SOX5: variants seen among roughly 807,000 people sequenced by gnomAD.
SOX5 encodes the protein transcription factor SOX-5.
In SOX5, 9 loss-of-function variants were observed where a neutral mutation model predicts 92.0. That is an observed-to-expected ratio of 0.10 (90% CI 0.06 to 0.17). SOX5 has a LOEUF of 0.17. SOX5 is among the 10% of genes least tolerant of loss of function. The pLI, the probability that SOX5 is intolerant of heterozygous loss-of-function variation, is 1.00. For missense variants in SOX5, 642 were observed against 944.5 expected (o/e 0.68, Z 4.20); for synonymous variants, 344 against 336.3 (o/e 1.02, Z -0.25).
At position 23,902,957 on chromosome 12, in the gene SOX5, T is replaced by C. The variant is rs1595512065; in HGVS notation, c.39-6933A>G. Among the ~76,000 whole-genome samples, 4 of 152,172 alleles carry C rather than the reference T, an allele frequency of 2.6e-5. No homozygotes were observed. In the South Asian group the frequency reaches 8.3e-4, roughly 32 times the overall value. ...AGTCCCTATTTTATGCCAAGCAAGT[T>C]ACCTTTGTGTCATAAATAAAACACG... On this transcript the variant is annotated intron_variant, in intron 1 of 14. Coordinates refer to ENST00000451604, the MANE Select transcript of SOX5 (RefSeq NM_006940.6).
chr12:23,540,397 AATAAT>A (rs1193740928), intron 13 of SOX5, among the ~76,000 whole-genome samples: 23 of 149,170 alleles, frequency 1.5e-4, no homozygotes, highest in African/African-American at 4.9e-4. Flanking sequence ...TAATAATAAT[AATAAT>A]AAAAAGCAGA....
intron 2 of SOX5, among the ~76,000 whole-genome samples, chr12:24,315,481 A>G (rs1375908186): frequency 6.6e-6 from 1 of 152,180 alleles, no homozygotes; most frequent in Admixed American, 6.5e-5. Flanking sequence ...TGAGTTAAGC[A>G]TATTTGTAAG....
intron 4 of SOX5, among the ~76,000 whole-genome samples, chr12:23,999,216 T>C (rs1415523017): frequency 6.7e-6 from 1 of 149,006 alleles, no homozygotes; most frequent in Non-Finnish European, 1.5e-5. Context: ...GACAACTGCC[T>C]GCTACGTGAT....
intron 1 of SOX5, among the ~76,000 whole-genome samples, chr12:23,900,552 C>T (rs533883284): frequency 5.9e-5 from 9 of 152,222 alleles, no homozygotes; most frequent in Admixed American, 2.0e-4. Context: ...AATACTGATC[C>T]CTGGGTTTTA....
At chr12:24,482,898 C>G (rs962946740) in intron 1 of SOX5, among the ~76,000 whole-genome samples, 2 of 152,090 alleles carry the variant, frequency 1.3e-5, no homozygotes, top group South Asian at 4.1e-4. Flanking sequence ...TCTCTAAATG[C>G]CAAGTCAAGT....
At chr12:24,534,909 CT>C (rs1951504541) in intron 1 of SOX5, among the ~76,000 whole-genome samples, 1 of 152,210 alleles carries the variant, frequency 6.6e-6, no homozygotes, top group Admixed American at 6.5e-5. Flanking sequence ...AAGAAAAACC[CT>C]GCACTCTCAG....
intron 3 of SOX5, among the ~76,000 whole-genome samples, chr12:24,240,357 A>G (rs1372859021): frequency 6.6e-6 from 1 of 152,154 alleles, no homozygotes; most frequent in Non-Finnish European, 1.5e-5. Context: ...CTGATGCTGA[A>G]AATTCATTGT....
chr12:24,342,549 C>A (rs1952699160), intron 2 of SOX5, among the ~76,000 whole-genome samples: 1 of 152,216 alleles, frequency 6.6e-6, no homozygotes, highest in Admixed American at 6.5e-5. Context: ...TATGATCTCC[C>A]CTTTTCCTTC....
intron 2 of SOX5, 125 bp downstream of exon 2, chr12:23,895,668 G>A (rs1240498044): frequency 2.9e-6 from 2 of 681,980 alleles, no homozygotes; most frequent in Non-Finnish European, 5.2e-6. Flanking sequence ...AGACGCCAGG[G>A]GTGAATCTTG....
At chr12:24,194,244 G>T (rs1956791974) in intron 4 of SOX5, among the ~76,000 whole-genome samples, 1 of 152,080 alleles carries the variant, frequency 6.6e-6, no homozygotes. Context: ...TTTTGTAAAG[G>T]GCACTGTATC....
chr12:23,956,339 T>C (rs980718041), intron 4 of SOX5, among the ~76,000 whole-genome samples: 2 of 152,174 alleles, frequency 1.3e-5, no homozygotes, highest in Non-Finnish European at 2.9e-5. Context: ...TACTGGTCCA[T>C]GTCCTGTTAT....
intron 4 of SOX5, among the ~76,000 whole-genome samples, chr12:23,974,313 A>C (rs1948677226): frequency 6.6e-6 from 1 of 152,172 alleles, no homozygotes; most frequent in African/African-American, 2.4e-5. Context: ...ATTTTGAATA[A>C]TGCTGAAATG....
intron 7 of SOX5, among the ~76,000 whole-genome samples, chr12:23,656,576 G>A (rs557815240): frequency 6.6e-6 from 1 of 152,140 alleles, no homozygotes; most frequent in East Asian, 1.9e-4. Context: ...ACATCTGAAA[G>A]TATGGAGGAA....
chr12:23,832,751 T>C (rs1317415013), intron 3 of SOX5, among the ~76,000 whole-genome samples: 2 of 151,200 alleles, frequency 1.3e-5, no homozygotes, highest in Non-Finnish European at 2.9e-5. Context: ...CAAGTAAATA[T>C]ATTTTTTTAC....
chr12:23,630,175 T>G (rs1456989546), intron 8 of SOX5, among the ~76,000 whole-genome samples: 1 of 151,978 alleles, frequency 6.6e-6, no homozygotes, highest in Non-Finnish European at 1.5e-5. Flanking sequence ...TGTAAGAAAT[T>G]TATTTAGAAT....
At chr12:23,713,128 C>G (rs2092201919) in intron 6 of SOX5, among the ~76,000 whole-genome samples, 1 of 152,174 alleles carries the variant, frequency 6.6e-6, no homozygotes, top group South Asian at 2.1e-4. Context: ...ATATTTAAGA[C>G]ACACAGACAT....
At chr12:24,561,184 T>G (rs1954303855) in intron 1 of SOX5, among the ~76,000 whole-genome samples, 1 of 152,202 alleles carries the variant, frequency 6.6e-6, no homozygotes, top group South Asian at 2.1e-4. Context: ...TACAGTTGAC[T>G]GCCACCCAGA....
At chr12:23,661,153 G>A (rs937478852) in intron 7 of SOX5, among the ~76,000 whole-genome samples, 2 of 151,736 alleles carry the variant, frequency 1.3e-5, no homozygotes, top group Admixed American at 6.6e-5. Context: ...TTATTTTATC[G>A]GATTTTGCCA....
upstream of SOX5, among the ~76,000 whole-genome samples, chr12:23,954,781 A>G (rs1387943802): frequency 6.6e-6 from 1 of 152,018 alleles, no homozygotes; most frequent in Admixed American, 6.6e-5. Context: ...TTGTTCTCAG[A>G]TTGCATATTT....
Sources: gnomAD v4.1 joint callset for allele counts (sites outside exome capture counted in the v4.1 genomes callset) on GRCh38, gnomAD v4.1.1 for gene constraint, MANE v1.5 for transcripts, NCBI Gene and HGNC (gene_info 2026-07-23, HGNC 2026-07-21) for gene names.